Variants in EYS observed in about 807,000 individuals in gnomAD.
The protein encoded by EYS is protein eyes shut homolog.
Under a neutral mutation model 282.1 loss-of-function variants are expected in EYS, and 250 were observed. That is an observed-to-expected ratio of 0.89 (90% CI 0.80 to 0.98). EYS has a LOEUF of 0.98. Among genes scored for constraint, EYS ranks in the 50% least tolerant of loss-of-function variants. The pLI is 0.00. For synonymous variants in EYS, 1,355 were observed against 1,282.9 expected, an observed-to-expected ratio of 1.06 and a Z score of -1.20; for missense variants, 4,016 against 3,709.0, an observed-to-expected ratio of 1.08 and a Z score of -2.15.
In EYS at chr6:65,271,128, T is replaced by TATATATATATATATATA. The variant is rs1554174612; in HGVS notation, c.2023+24734_2023+24735insTATATATATATATATAT. Among the ~76,000 whole-genome samples the TATATATATATATATATA allele has an allele frequency of 4.8e-4, 27 of 55,782 alleles. 1 individual carries two copies. The highest frequency in any genetic ancestry group is 1.1e-3 in the African/African-American group (20 of 18,804). 36.6% of individuals were successfully genotyped at this position (55,782 alleles called of 152,430 possible). On this transcript the variant is annotated intron_variant, in intron 12 of 42. Transcript: ENST00000503581. The stretch of plus-strand genomic sequence containing the variant: ...TCTCCAGAGAAACAGAATCAATAGA[T>TATATATATATATATATA]TATATATATATATATATATATATAT...
intron 26 of EYS, among the ~76,000 whole-genome samples, chr6:64,532,788 C>T (rs774473933): frequency 2.0e-5 from 3 of 151,860 alleles, no homozygotes; most frequent in Non-Finnish European, 4.4e-5. Context: ...TGATTCTTTC[C>T]CACACAACGT....
At chr6:64,386,790 AC>A (rs1772924021) in intron 29 of EYS, among the ~76,000 whole-genome samples, 1 of 151,954 alleles carries the variant, frequency 6.6e-6, no homozygotes, top group Admixed American at 6.6e-5. Context: ...TTATTCTCCC[AC>A]CCTTATTGCC....
intron 30 of EYS, among the ~76,000 whole-genome samples, chr6:64,233,407 T>C (rs532829649): frequency 1.3e-5 from 2 of 152,190 alleles, no homozygotes; most frequent in South Asian, 4.1e-4. Context: ...TGTATTCAAT[T>C]TGTTATATAT....
intron 33 of EYS, among the ~76,000 whole-genome samples, chr6:64,054,123 T>C (rs918270239): frequency 1.3e-5 from 2 of 152,296 alleles, no homozygotes; most frequent in African/African-American, 2.4e-5. Context: ...AGCATTCTTA[T>C]AGTAGTTTAC....
chr6:64,849,809 A>G (rs948539978), intron 19 of EYS, among the ~76,000 whole-genome samples: 4 of 151,888 alleles, frequency 2.6e-5, no homozygotes, highest in Non-Finnish European at 5.9e-5. Context: ...CCCATCTTTA[A>G]TATCACCAAA....
intron 2 of EYS, among the ~76,000 whole-genome samples, chr6:65,625,562 T>C (rs919669423): frequency 3.9e-5 from 6 of 152,222 alleles, no homozygotes; most frequent in Admixed American, 3.9e-4. Flanking sequence ...AAAATGTCAA[T>C]ATAATACCGC....
At chr6:65,397,488 C>A (rs1766326328) in intron 7 of EYS, among the ~76,000 whole-genome samples, 1 of 151,752 alleles carries the variant, frequency 6.6e-6, no homozygotes, top group Non-Finnish European at 1.5e-5. Context: ...CTTTCTGGTT[C>A]CGAGTCATTT....
intron 26 of EYS, among the ~76,000 whole-genome samples, chr6:64,543,227 C>G (rs1052474412): frequency 6.6e-6 from 1 of 151,918 alleles, no homozygotes; most frequent in Non-Finnish European, 1.5e-5. Flanking sequence ...TTTGTATTCC[C>G]CTTTGACTGC....
chr6:64,807,486 A>G (rs1490461009), intron 22 of EYS, among the ~76,000 whole-genome samples: 2 of 152,134 alleles, frequency 1.3e-5, no homozygotes, highest in African/African-American at 4.8e-5. Flanking sequence ...ATCAGGTATT[A>G]TATTTTCTGA....
intron 28 of EYS, among the ~76,000 whole-genome samples, chr6:64,403,479 C>T (rs978386434): frequency 3.9e-5 from 6 of 152,040 alleles, no homozygotes; most frequent in Non-Finnish European, 7.4e-5. Context: ...GCCTCAGCCT[C>T]CCAAGTAGCT....
intron 23 of EYS, among the ~76,000 whole-genome samples, chr6:64,621,981 T>G (rs1323617428): frequency 6.6e-6 from 1 of 152,124 alleles, no homozygotes; most frequent in African/African-American, 2.4e-5. Flanking sequence ...AAAAACACAC[T>G]AAGTGTGTTT....
chr6:63,834,402 A>C (rs539976687), intron 36 of EYS, among the ~76,000 whole-genome samples: 1 of 152,324 alleles, frequency 6.6e-6, no homozygotes, highest in South Asian at 2.1e-4. Flanking sequence ...GGATATGAAC[A>C]GACCCTTCTC....
chr6:65,559,970 A>G (rs1768974670), intron 2 of EYS, among the ~76,000 whole-genome samples: 1 of 151,028 alleles, frequency 6.6e-6, no homozygotes. Flanking sequence ...AAAATATTTC[A>G]AACACTTTGA....
intron 22 of EYS, among the ~76,000 whole-genome samples, chr6:64,708,078 A>G (rs1771093355): frequency 1.3e-5 from 2 of 152,244 alleles, no homozygotes; most frequent in Non-Finnish European, 2.9e-5. Context: ...ATACCCTTTA[A>G]TAAACTATTT....
chr6:64,158,294 CA>C (rs1402478918), intron 31 of EYS, among the ~76,000 whole-genome samples: 1 of 152,148 alleles, frequency 6.6e-6, no homozygotes, highest in African/African-American at 2.4e-5. Context: ...AAGTGCTCAA[CA>C]AACTTTTGCT....
At chr6:65,435,648 C>G (rs549182366) in intron 5 of EYS, among the ~76,000 whole-genome samples, 6 of 152,052 alleles carry the variant, frequency 3.9e-5, no homozygotes, top group Non-Finnish European at 7.4e-5. Context: ...TGAAAAAAAC[C>G]TTAATAGAAA....
At chr6:65,129,342 G>T (rs7742525) in intron 12 of EYS, among the ~76,000 whole-genome samples, 1 of 151,742 alleles carries the variant, frequency 6.6e-6, no homozygotes, top group African/African-American at 2.4e-5. Flanking sequence ...AACTAAGGAG[G>T]TCCTACACAA....
At chr6:64,443,854 C>A (rs1775033404) in intron 26 of EYS, among the ~76,000 whole-genome samples, 1 of 152,126 alleles carries the variant, frequency 6.6e-6, no homozygotes, top group Non-Finnish European at 1.5e-5. Flanking sequence ...GTAAACTGCC[C>A]AGTCTCAGTT....
At chr6:65,558,379 G>GC (rs1232931004) in intron 2 of EYS, among the ~76,000 whole-genome samples, 2 of 152,356 alleles carry the variant, frequency 1.3e-5, no homozygotes, top group Non-Finnish European at 2.9e-5. Context: ...ACTTTGCTCT[G>GC]CACTGGAGCA....
Sources: allele counts gnomAD v4.1 joint callset (sites outside exome capture counted in the v4.1 genomes callset), GRCh38; gene constraint gnomAD v4.1.1; transcripts MANE v1.5; gene names NCBI Gene and HGNC (gene_info 2026-07-23, HGNC 2026-07-21).